CA5A: variants seen among roughly 807,000 people sequenced by gnomAD.
CA5A encodes the protein carbonic anhydrase 5A, mitochondrial.
CA5A carries 28 observed loss-of-function variants against 37.1 expected under a neutral mutation model. That is an observed-to-expected ratio of 0.75 (90% CI 0.56 to 1.03). The LOEUF (loss-of-function observed/expected upper bound fraction) is 1.03. CA5A is among the 50% of genes least tolerant of loss of function. CA5A has a pLI of 0.00. For synonymous variants in CA5A, 171 were observed against 158.4 expected (o/e 1.08, Z -0.60); for missense variants, 444 against 399.9 (o/e 1.11, Z -0.94).
intron 2 of CA5A, among the ~76,000 whole-genome samples, chr16:87,907,352 G>C (rs1427234140): frequency 6.6e-6 from 1 of 152,176 alleles, no homozygotes. Context: ...GGGGGAAAGG[G>C]GGTTTGCAGC....
In CA5A at chr16:87,912,827, G is replaced by A. The variant is rs115506295; in HGVS notation, c.341-7923C>T. Reference sequence around the variant, plus strand: ...CTCCAGGCAGAAAGGGACGACCAGCGGAAAGGACCCTGGTGACAGCAGCCA... The same window carrying A: ...CTCCAGGCAGAAAGGGACGACCAGCAGAAAGGACCCTGGTGACAGCAGCCA... On this transcript the variant is annotated intron_variant, in intron 2 of 6. Transcript: ENST00000649794. Among the ~76,000 whole-genome samples the A allele has an allele frequency of 2.4e-3, 372 of 152,314 alleles. 4 individuals are homozygous for A. Among genetic ancestry groups the A allele is most frequent in the African/African-American group, 8.7e-3 (361 of 41,562 alleles).
At chr16:87,915,526 A>AT (rs59358304) in intron 2 of CA5A, among the ~76,000 whole-genome samples, 22,862 of 72,786 alleles carry the variant, frequency 0.31, 6,661 homozygotes, top group East Asian at 0.56. Context: ...CTGTGTCAAA[A>AT]TTTTTTTTTT....
chr16:87,892,510 AAAT>A (rs371000298), intron 5 of CA5A, among the ~76,000 whole-genome samples: 20,100 of 134,924 alleles, frequency 0.15, 1,512 homozygotes, highest in East Asian at 0.17. Context: ...ACTCTGTCTC[AAAT>A]AATAATAATA....
rs373877038 is a variant in CA5A, at chr16:87,891,792, G to A, written c.774+7C>T. On this transcript the variant is annotated splice_region_variant and intron_variant, in intron 6 of 6. Coordinates refer to ENST00000649794, the MANE Select transcript of CA5A (RefSeq NM_001739.2). ...GCGCCATCGTGCCAGTTACGGGCACGGCTCACCTGGCTTGGGGCCACTTCA... is the reference window on the plus strand; with the variant it reads ...GCGCCATCGTGCCAGTTACGGGCACAGCTCACCTGGCTTGGGGCCACTTCA... 61 of 1,498,640 alleles carry A rather than the reference G, an allele frequency of 4.1e-5. No homozygotes were observed. Among genetic ancestry groups the A allele is most frequent in the African/African-American group, 1.9e-4 (13 of 68,808 alleles). 92.8% of individuals were successfully genotyped at this position (1,498,640 alleles called of 1,614,324 possible).
intron 3 of CA5A, among the ~76,000 whole-genome samples, chr16:87,904,308 C>T (rs2055925336): frequency 6.6e-6 from 1 of 151,786 alleles, no homozygotes; most frequent in South Asian, 2.1e-4. Context: ...CACCAATGCA[C>T]TCCAGTCTGG....
At position 87,925,035 on chromosome 16, in the gene CA5A, TA is replaced by T. The variant is rs555677099; in HGVS notation, c.340+1712del. Reference sequence around the variant, plus strand: ...CTGAGTGCCTAGGAGGCCTGGCGCATAAAATATCAAATAAGACAAAGACCTG... The same window carrying T: ...CTGAGTGCCTAGGAGGCCTGGCGCATAAATATCAAATAAGACAAAGACCTG... On this transcript the variant is annotated intron_variant, in intron 2 of 6. Transcript: ENST00000649794. 4.5e-3 allele frequency among the ~76,000 whole-genome samples: 685 copies of T among 152,292 alleles called. 6 individuals are homozygous for T. The highest frequency in any genetic ancestry group is 0.016 in the African/African-American group (651 of 41,554).
chr16:87,920,538 G>A (rs1340551399), intron 2 of CA5A, among the ~76,000 whole-genome samples: 3 of 152,012 alleles, frequency 2.0e-5, no homozygotes, highest in African/African-American at 7.2e-5. Context: ...TGGAACTCCT[G>A]ACCTCAGATG....
intron 1 of CA5A, among the ~76,000 whole-genome samples, chr16:87,927,273 G>C (rs2144074346): frequency 6.6e-6 from 1 of 152,324 alleles, no homozygotes; most frequent in East Asian, 1.9e-4. Flanking sequence ...ATAGACCTTG[G>C]GGAGGGCAGG....
rs368084033 is a variant in CA5A, at chr16:87,904,795, G to A, written c.450C>T (p.Tyr150=). The change falls in exon 3 of 7, where the codon TAC becomes TAT. Residue 150 remains tyrosine, a synonymous_variant. Transcript: ENST00000649794. ...GGCCACGTCTACAAACCTCTGCGGGGTACGCGTGGCCGTCCACTGTGTGCT... is the reference window on the plus strand; with the variant it reads ...GGCCACGTCTACAAACCTCTGCGGGATACGCGTGGCCGTCCACTGTGTGCT... ...GSEHTVDGHA[Y]PAELHLVHWN... The A allele has an allele frequency of 1.7e-4, 276 of 1,603,266 alleles. No homozygotes were observed. Among genetic ancestry groups the A allele is most frequent in the Middle Eastern group, 1.3e-3 (8 of 6,040 alleles).
chr16:87,924,582 G>A (rs1008505505), intron 2 of CA5A, among the ~76,000 whole-genome samples: 19 of 152,370 alleles, frequency 1.2e-4, no homozygotes, highest in Admixed American at 1.3e-4. Context: ...GAGGTCCCCT[G>A]TGTTGAGAAT....
chr16:87,919,937 G>A (rs567133210), intron 2 of CA5A, among the ~76,000 whole-genome samples: 4 of 152,100 alleles, frequency 2.6e-5, no homozygotes, highest in Admixed American at 6.6e-5. Flanking sequence ...GGAAAGTGGC[G>A]AACACCACAC....
At chr16:87,920,339 G>A (rs747683083) in intron 2 of CA5A, among the ~76,000 whole-genome samples, 4 of 152,204 alleles carry the variant, frequency 2.6e-5, no homozygotes, top group Non-Finnish European at 5.9e-5. Flanking sequence ...TTGAGACAAT[G>A]TCTCGCTCTG....
chr16:87,901,816 A>G (rs1597553865), intron 5 of CA5A, 96 bp downstream of exon 5: 2 of 983,168 alleles, frequency 2.0e-6, no homozygotes, highest in Non-Finnish European at 3.2e-6. Flanking sequence ...CGAACTCCCA[A>G]CCTCACGTGA....
At chr16:87,894,556 A>G (rs2055773586) in intron 5 of CA5A, among the ~76,000 whole-genome samples, 1 of 149,320 alleles carries the variant, frequency 6.7e-6, no homozygotes, top group Non-Finnish European at 1.5e-5. Flanking sequence ...GTTCACGTTT[A>G]TAATTATCCA....
At chr16:87,921,072 C>T (rs1166794907) in intron 2 of CA5A, among the ~76,000 whole-genome samples, 1 of 152,142 alleles carries the variant, frequency 6.6e-6, no homozygotes, top group African/African-American at 2.4e-5. Context: ...GGATTACAGG[C>T]GTGAGCCACT....
chr16:87,920,800 C>T (rs1221347542), intron 2 of CA5A, among the ~76,000 whole-genome samples: 8 of 148,166 alleles, frequency 5.4e-5, no homozygotes, highest in African/African-American at 2.0e-4. Context: ...TGTATTTTTA[C>T]TTTTTTTTTT....
At chr16:87,891,681 A>T (rs2143902602) in intron 6 of CA5A, 118 bp downstream of exon 6, 2 of 943,672 alleles carry the variant, frequency 2.1e-6, no homozygotes, top group East Asian at 6.5e-5. Flanking sequence ...AATGCCCCAA[A>T]TGCATGAAAG....
At chr16:87,915,319 A>G (rs371361966) in intron 2 of CA5A, among the ~76,000 whole-genome samples, 20 of 152,284 alleles carry the variant, frequency 1.3e-4, no homozygotes, top group African/African-American at 4.6e-4. Context: ...AAACTTCCAA[A>G]GGAAACTTTA....
chr16:87,902,152 G>A (rs578047288), intron 4 of CA5A, among the ~76,000 whole-genome samples, 178 bp from the exon 5 acceptor site: 20 of 152,036 alleles, frequency 1.3e-4, no homozygotes, highest in South Asian at 2.1e-4. Context: ...TCAGGAGTTC[G>A]AAACCAGCCT....
Sources: gnomAD v4.1 joint callset for allele counts (sites outside exome capture counted in the v4.1 genomes callset) on GRCh38, gnomAD v4.1.1 for gene constraint, MANE v1.5 for transcripts, NCBI Gene and HGNC (gene_info 2026-07-23, HGNC 2026-07-21) for gene names.